AARSD1: variants seen among roughly 807,000 people sequenced by gnomAD.
AARSD1 encodes alanyl-tRNA editing protein Aarsd1.
In AARSD1, 44 loss-of-function variants were observed where a neutral mutation model predicts 48.7. The ratio of observed to expected loss-of-function variants is 0.90; its 90% CI spans 0.71 to 1.16. The LOEUF (loss-of-function observed/expected upper bound fraction) is 1.16. Among genes scored for constraint, AARSD1 ranks in the 50% most tolerant of loss-of-function variants. The probability of loss-of-function intolerance (pLI) is 0.00; values close to 1 mark genes in which losing one functional copy is unlikely to be tolerated. For missense variants in AARSD1, 511 were observed against 523.1 expected (o/e 0.98, Z 0.23); for synonymous variants, 189 against 194.9 (o/e 0.97, Z 0.25).
chr17:42,954,934 G>A lies in AARSD1; in HGVS notation c.895C>T (p.His299Tyr). The A allele has an allele frequency of 1.2e-6, 2 of 1,614,138 alleles. No individual in the cohort carries two copies. Among genetic ancestry groups the A allele is most frequent in the East Asian group, 2.2e-5 (1 of 44,880 alleles). ...CTGTTCCTGAGGCTATGGGCAATGT[G>A]CACAGCCAGGTCTCTGAGCAGATTC... ...NLNLLRDLAV[H>Y]IAHSLRNSPD... is the part of the protein sequence containing the mutation. The change falls in exon 9 of 12, where the codon CAC becomes TAC. Residue 299 changes from histidine to tyrosine, a missense_variant. Transcript: ENST00000427569.
intron 2 of AARSD1, chr17:42,962,094 G>A (rs929632973): frequency 1.4e-4 from 23 of 168,668 alleles, no homozygotes; most frequent in Non-Finnish European, 2.6e-4. Flanking sequence ...AAGGTCAGGA[G>A]ATCAAGACCA....
intron 3 of AARSD1, among the ~76,000 whole-genome samples, chr17:42,959,068 G>A (rs551989286): frequency 2.0e-4 from 30 of 146,956 alleles, no homozygotes; most frequent in Admixed American, 1.5e-3. Flanking sequence ...GTGGTGGTGC[G>A]TGCCCGTAAT....
intron 7 of AARSD1, 24 bp from the exon 8 acceptor site, chr17:42,955,248 A>G (rs760865682): frequency 1.1e-5 from 18 of 1,612,712 alleles, no homozygotes; most frequent in Non-Finnish European, 1.5e-5. Flanking sequence ...GTCAGAGGAG[A>G]CCTGCGCAGC....
chr17:42,959,703 C>T (rs1482030777), intron 3 of AARSD1, among the ~76,000 whole-genome samples: 1 of 149,118 alleles, frequency 6.7e-6, no homozygotes, highest in Non-Finnish European at 1.5e-5. Flanking sequence ...CTCGCTCTGT[C>T]GCCAGGCTGG....
At chr17:42,952,033 C>A in intron 10 of AARSD1, 139 bp from the exon 11 acceptor site, 1 of 983,646 alleles carries the variant, frequency 1.0e-6, no homozygotes, top group Non-Finnish European at 1.5e-6. Flanking sequence ...AATGATGATA[C>A]AGCCCCTCCA....
In AARSD1 at chr17:42,959,928, C is replaced by A. The variant is rs572985023; in HGVS notation, c.331+1264G>T. ...CTGCCCACCTCGGTCTCCCAAAGTG[C>A]TGGGATTACAGGCGTGAGCCACCGC... On this transcript the variant is annotated intron_variant, in intron 3 of 11. Coordinates refer to ENST00000427569, the MANE Select transcript of AARSD1 (RefSeq NM_001261434.2). Among the ~76,000 whole-genome samples, 8 of 152,058 alleles carry A rather than the reference C, an allele frequency of 5.3e-5. No individual in the cohort carries two copies. In the South Asian group the frequency reaches 1.7e-3, roughly 32 times the overall value.
intron 1 of AARSD1, 22 bp downstream of exon 1, chr17:42,964,380 G>T (rs755125390): frequency 6.4e-7 from 1 of 1,555,120 alleles, no homozygotes; most frequent in East Asian, 2.4e-5. Flanking sequence ...GCAGTCTCAA[G>T]TGCCTCGCCG....
chr17:42,953,949 G>C (rs1231289482), intron 9 of AARSD1, 171 bp from the exon 10 acceptor site: 1 of 732,716 alleles, frequency 1.4e-6, no homozygotes, highest in Non-Finnish European at 2.3e-6. Context: ...GCCCTTCTCA[G>C]CCTCTGCAGT....
At chr17:42,960,162 G>A (rs1202672351) in intron 3 of AARSD1, among the ~76,000 whole-genome samples, 5 of 151,670 alleles carry the variant, frequency 3.3e-5, no homozygotes, top group Admixed American at 6.6e-5. Flanking sequence ...CCAGCTACTC[G>A]GGAGGCCAAG....
At position 42,956,405 on chromosome 17, in the gene AARSD1, T is replaced by C; in HGVS notation, c.545A>G (p.Gln182Arg). The change falls in exon 5 of 12, where the codon CAG becomes CGG. Residue 182 changes from glutamine (Q) to arginine (R), a missense_variant and splice_region_variant. Transcript: ENST00000427569. ...ELSLDDPEVE[Q>R]VSGRGLPDDH... The stretch of plus-strand genomic sequence containing the variant: ...CCATCCCTCTGGCTCTACCCTTACC[T>C]GCTCCACCTCAGGATCATCCAGGCT... 6.2e-7 allele frequency: 1 copy of C among 1,614,050 alleles called. No individual in the cohort carries two copies. The highest frequency in any genetic ancestry group is 8.5e-7 in the Non-Finnish European group (1 of 1,180,008).
intron 7 of AARSD1, chr17:42,955,434 A>ATT (rs2049534825): frequency 9.9e-6 from 4 of 405,816 alleles, no homozygotes; most frequent in South Asian, 5.7e-5. Flanking sequence ...AAAGCACTTG[A>ATT]TCTTTTTTTT....
At chr17:42,950,878 G>T in intron 11 of AARSD1, 150 bp from the exon 12 acceptor site, 1 of 1,346,250 alleles carries the variant, frequency 7.4e-7, no homozygotes, top group Non-Finnish European at 9.8e-7. Flanking sequence ...TTGCACATAG[G>T]CTGGGCATGG....
At chr17:42,964,077 G>C (rs1254906829) in intron 2 of AARSD1, 29 bp downstream of exon 2, 3 of 1,613,394 alleles carry the variant, frequency 1.9e-6, no homozygotes, top group Non-Finnish European at 2.5e-6. Context: ...AGAAACTGGG[G>C]GCTTCCTGGG....
chr17:42,960,343 T>A (rs1345956549), intron 3 of AARSD1, among the ~76,000 whole-genome samples: 2 of 151,410 alleles, frequency 1.3e-5, no homozygotes, highest in Non-Finnish European at 2.9e-5. Flanking sequence ...GGGCAATCAA[T>A]TAGGAAACTG....
chr17:42,956,707 G>A (rs1188922129), intron 4 of AARSD1, 147 bp from the exon 5 acceptor site: 17 of 1,071,608 alleles, frequency 1.6e-5, no homozygotes, highest in South Asian at 9.3e-5. Flanking sequence ...TCGCTCTGTC[G>A]CCCAGGCTGG....
chr17:42,957,294 C>T lies in AARSD1; in HGVS notation c.332-99G>A, dbSNP rs950135336. The T allele has an allele frequency of 8.0e-6, 12 of 1,503,628 alleles. No homozygotes were observed. The Admixed American group carries it at 2.2e-4, about 28-fold the overall frequency. 93.1% of individuals were successfully genotyped at this position (1,503,628 alleles called of 1,614,324 possible). A position where few individuals can be genotyped will look rare whatever the true frequency, so the allele number is the denominator to read the frequency against. The stretch of plus-strand genomic sequence containing the variant: ...CAATGATAAAAGCACAGAAATTCTC[C>T]TTGTTGAAGACCTGCTAAGCACTGG... On this transcript the variant is annotated intron_variant, in intron 3 of 11. Coordinates refer to ENST00000427569, the MANE Select transcript of AARSD1 (RefSeq NM_001261434.2).
At chr17:42,959,805 A>T (rs750118825) in intron 3 of AARSD1, among the ~76,000 whole-genome samples, 12 of 151,702 alleles carry the variant, frequency 7.9e-5, no homozygotes, top group Non-Finnish European at 1.6e-4. Context: ...CTAGGACTAC[A>T]GGCGCGCATC....
intron 3 of AARSD1, among the ~76,000 whole-genome samples, chr17:42,959,798 G>C (rs1014038197): frequency 2.0e-5 from 3 of 151,738 alleles, no homozygotes; most frequent in African/African-American, 4.8e-5. Flanking sequence ...TGAGCAGCTA[G>C]GACTACAGGC....
At chr17:42,952,149 G>A in intron 10 of AARSD1, 1 of 478,258 alleles carries the variant, frequency 2.1e-6, no homozygotes, top group South Asian at 2.6e-5. Context: ...AGCAGAAAAT[G>A]CCTTTCATGG....
Sources: gnomAD v4.1 joint callset for allele counts (sites outside exome capture counted in the v4.1 genomes callset) on GRCh38, gnomAD v4.1.1 for gene constraint, MANE v1.5 for transcripts, NCBI Gene and HGNC (gene_info 2026-07-23, HGNC 2026-07-21) for gene names.